The following NAV2 variants were observed in gnomAD, a reference collection of about 807,000 sequenced individuals.
The protein encoded by NAV2 is neuron navigator 2, also known as helicase, APC down-regulated 1.
Under a neutral mutation model 223.2 loss-of-function variants are expected in NAV2, and 54 were observed. The observed-to-expected ratio is 0.24, with a 90% confidence interval of 0.19 to 0.30. The LOEUF (loss-of-function observed/expected upper bound fraction) is 0.30, where lower values mean the gene tolerates loss of function less well. NAV2 is among the 10% of genes least tolerant of loss of function. NAV2 has a pLI of 1.00. For missense variants in NAV2, 2,806 were observed against 3,147.5 expected (o/e 0.89, Z 2.60); for synonymous variants, 1,279 against 1,239.3 (o/e 1.03, Z -0.67).
intron 10 of NAV2, among the ~76,000 whole-genome samples, chr11:19,970,535 G>C (rs1175218653): frequency 2.0e-5 from 3 of 152,134 alleles, no homozygotes; most frequent in African/African-American, 7.2e-5. Flanking sequence ...TACCTATCTC[G>C]AGAGTTGAAG....
intron 1 of NAV2, among the ~76,000 whole-genome samples, chr11:19,529,677 T>A (rs534674188): frequency 6.6e-6 from 1 of 152,284 alleles, no homozygotes; most frequent in Admixed American, 6.5e-5. Flanking sequence ...AGGTCCAGGG[T>A]TCCCCTTGGT....
intron 1 of NAV2, among the ~76,000 whole-genome samples, chr11:19,543,845 A>T (rs2044407541): frequency 6.6e-6 from 1 of 152,048 alleles, no homozygotes; most frequent in African/African-American, 2.4e-5. Context: ...TCTTCCTCTT[A>T]TAGCTCCCCA....
intron 19 of NAV2, among the ~76,000 whole-genome samples, chr11:20,056,841 G>A (rs1267083252): frequency 6.6e-6 from 1 of 152,122 alleles, no homozygotes; most frequent in African/African-American, 2.4e-5. Context: ...GATAAAATAG[G>A]AGTAATAATA....
In NAV2 at chr11:20,068,409, A is replaced by T. The variant is rs1158691815; in HGVS notation, c.4983+11A>T. On this transcript the variant is annotated intron_variant, in intron 22 of 37. Transcript: ENST00000349880. ...CAGCTGACAGCAAATGTAAGTACAG[A>T]CATAGGGCAGTAGCATCGGGACAGG... The T allele has an allele frequency of 1.2e-6, 2 of 1,608,186 alleles. No homozygotes were observed. Among genetic ancestry groups the T allele is most frequent in the East Asian group, 2.2e-5 (1 of 44,840 alleles).
intron 1 of NAV2, among the ~76,000 whole-genome samples, chr11:19,634,638 C>A (rs2047439547): frequency 6.6e-6 from 1 of 152,072 alleles, no homozygotes; most frequent in South Asian, 2.1e-4. Context: ...TATTCTGGAC[C>A]CCAGGGATAT....
Position 20,049,917 on chromosome 11 carries a change from G to T in NAV2, c.4436+16G>T. 3.1e-6 allele frequency: 5 copies of T among 1,613,518 alleles called. No homozygotes were observed. Among genetic ancestry groups the T allele is most frequent in the Non-Finnish European group, 4.2e-6 (5 of 1,179,464 alleles). ...AACAGGACAGGTAATGACATTGCAGGCCGGGGACCAACCGAGCCTCTAGGT... is the reference window on the plus strand; with the variant it reads ...AACAGGACAGGTAATGACATTGCAGTCCGGGGACCAACCGAGCCTCTAGGT... On this transcript the variant is annotated intron_variant, in intron 16 of 37. Transcript: ENST00000349880.
chr11:20,114,379 G>A (rs2153724822), intron 36 of NAV2: 2 of 590,370 alleles, frequency 3.4e-6, no homozygotes, highest in Non-Finnish European at 6.0e-6. Context: ...TCCAAAGCCT[G>A]TATTCTAGAC....
intron 1 of NAV2, among the ~76,000 whole-genome samples, chr11:19,407,813 C>T (rs1849965372): frequency 6.6e-6 from 1 of 152,110 alleles, no homozygotes; most frequent in Non-Finnish European, 1.5e-5. Context: ...TCTGGCTTAG[C>T]GGTGCTCCCG....
chr11:19,561,457 T>G (rs1255166434), intron 1 of NAV2, among the ~76,000 whole-genome samples: 1 of 152,220 alleles, frequency 6.6e-6, no homozygotes, highest in Admixed American at 6.5e-5. Flanking sequence ...AATCCAAGGC[T>G]TATAGCAAAG....
chr11:19,766,805 C>A (rs2055266118), intron 1 of NAV2, among the ~76,000 whole-genome samples: 1 of 152,198 alleles, frequency 6.6e-6, no homozygotes, highest in African/African-American at 2.4e-5. Context: ...CCTTCTCCCA[C>A]CCTGATTTGC....
At chr11:20,024,763 G>T (rs554266251) in intron 11 of NAV2, among the ~76,000 whole-genome samples, 1 of 152,294 alleles carries the variant, frequency 6.6e-6, no homozygotes, top group African/African-American at 2.4e-5. Context: ...TGTGCATTCA[G>T]GTTCCCACAT....
chr11:19,396,293 C>T (rs540486729), intron 1 of NAV2, among the ~76,000 whole-genome samples: 23 of 152,218 alleles, frequency 1.5e-4, no homozygotes, highest in African/African-American at 5.1e-4. Context: ...TATCCAAGAT[C>T]GCATGGTGAG....
At chr11:19,450,771 C>T (rs944759212) in intron 1 of NAV2, among the ~76,000 whole-genome samples, 4 of 152,140 alleles carry the variant, frequency 2.6e-5, no homozygotes, top group African/African-American at 4.8e-5. Context: ...GGCAGGGACG[C>T]GTTTGTGTAG....
intron 1 of NAV2, among the ~76,000 whole-genome samples, chr11:19,501,005 G>A (rs1036710982): frequency 6.6e-6 from 1 of 152,170 alleles, no homozygotes; most frequent in African/African-American, 2.4e-5. Context: ...CTTTCTGGGT[G>A]CTCTGGGGGC....
chr11:20,044,624 G>A (rs1480382509), intron 13 of NAV2, among the ~76,000 whole-genome samples: 1 of 152,100 alleles, frequency 6.6e-6, no homozygotes, highest in African/African-American at 2.4e-5. Context: ...TATAAACAAG[G>A]GCAGAGGTAT....
intron 20 of NAV2, among the ~76,000 whole-genome samples, chr11:20,065,765 G>A (rs553269226): frequency 1.3e-5 from 2 of 152,358 alleles, no homozygotes; most frequent in Non-Finnish European, 2.9e-5. Context: ...TTTCAAAGTA[G>A]CCTTGTCCTA....
At chr11:20,106,155 GTATA>G (rs1554968868) in intron 35 of NAV2, among the ~76,000 whole-genome samples, 24 of 31,492 alleles carry the variant, frequency 7.6e-4, no homozygotes, top group African/African-American at 1.6e-3. Context: ...GTGTGTGTGT[GTATA>G]TATATATATA....
chr11:19,516,990 A>C (rs1475760782), intron 1 of NAV2, among the ~76,000 whole-genome samples: 2 of 152,110 alleles, frequency 1.3e-5, no homozygotes, highest in Non-Finnish European at 2.9e-5. Flanking sequence ...TGGGAGGAGC[A>C]ACTGAACCCA....
intron 1 of NAV2, among the ~76,000 whole-genome samples, chr11:19,589,427 G>A (rs1324471702): frequency 6.6e-6 from 1 of 152,212 alleles, no homozygotes; most frequent in East Asian, 1.9e-4. Flanking sequence ...GAGTGCTGGG[G>A]AAGGTGTGGT....
Sources: allele counts gnomAD v4.1 joint callset (sites outside exome capture counted in the v4.1 genomes callset), GRCh38; gene constraint gnomAD v4.1.1; transcripts MANE v1.5; gene names NCBI Gene and HGNC (gene_info 2026-07-23, HGNC 2026-07-21).